PADI4: variants seen among roughly 807,000 people sequenced by gnomAD.
PADI4 encodes the protein protein-arginine deiminase type-4.
PADI4 carries 62 observed loss-of-function variants against 75.0 expected under a neutral mutation model. The observed-to-expected ratio is 0.83, with a 90% CI of 0.67 to 1.02. PADI4 has a LOEUF of 1.02. Among genes scored for constraint, PADI4 ranks in the 50% least tolerant of loss-of-function variants. The pLI is 0.00. For synonymous variants in PADI4, 361 were observed against 348.1 expected, an observed-to-expected ratio of 1.04 and a Z score of -0.41; for missense variants, 845 against 850.5, an observed-to-expected ratio of 0.99 and a Z score of 0.08.
chr1:17,345,763 T>C (rs903675533), intron 8 of PADI4, among the ~76,000 whole-genome samples: 4 of 152,210 alleles, frequency 2.6e-5, no homozygotes, highest in African/African-American at 9.6e-5. Flanking sequence ...AACCTCTTTT[T>C]CTTCCCAGTC....
At chr1:17,330,833 A>G in intron 1 of PADI4, 136 bp from the exon 2 acceptor site, 1 of 596,570 alleles carries the variant, frequency 1.7e-6, no homozygotes, top group Non-Finnish European at 2.8e-6. Context: ...ACACCCAGAA[A>G]AAATACTTCG....
intron 8 of PADI4, among the ~76,000 whole-genome samples, chr1:17,343,598 C>A (rs962664155): frequency 1.3e-5 from 2 of 152,140 alleles, no homozygotes; most frequent in Non-Finnish European, 2.9e-5. Context: ...AATTGTACTC[C>A]CACAATTCCC....
chr1:17,336,114 C>A (rs375115923), intron 3 of PADI4, 45 bp from the exon 4 acceptor site: 2 of 1,446,458 alleles, frequency 1.4e-6, no homozygotes, highest in Non-Finnish European at 1.9e-6. Flanking sequence ...GGTGCCCCAA[C>A]CCCGGACCCT....
intron 5 of PADI4, among the ~76,000 whole-genome samples, chr1:17,338,877 A>G (rs1238572754): frequency 6.6e-6 from 1 of 152,102 alleles, no homozygotes; most frequent in Non-Finnish European, 1.5e-5. Flanking sequence ...TAACATAGAA[A>G]TGGATGTATT....
intron 14 of PADI4, 147 bp downstream of exon 14, chr1:17,359,055 C>T (rs961556488): frequency 8.7e-6 from 6 of 686,772 alleles, no homozygotes; most frequent in Non-Finnish European, 1.5e-5. Flanking sequence ...GAAGCAAAGA[C>T]TGGGAGAGGC....
Position 17,331,067 on chromosome 1 carries a change from G to C in PADI4, c.191G>C (p.Gly64Ala), listed in dbSNP as rs777111314. Residue 64 changes from glycine (G) to alanine (A), a missense_variant, in exon 2 of 16, where the codon GGT (glycine) becomes GCT (alanine). Coordinates refer to ENST00000375448, the MANE Select transcript of PADI4 (RefSeq NM_012387.3). ...CCTCCAGCCAAGAAGAAATCCACAG[G>C]TTCCTCCACATGGCCCCTGGACCCT... is the stretch of plus-strand genomic sequence containing the variant. ...HGPPAKKKSTGSSTWPLDPGV... is the reference protein window; with the variant it reads ...HGPPAKKKSTASSTWPLDPGV... 2.5e-6 allele frequency: 4 copies of C among 1,611,442 alleles called. No individual in the cohort carries two copies. In the South Asian group the frequency reaches 4.4e-5, roughly 18 times the overall value.
Position 17,347,965 on chromosome 1 carries a change from C to A in PADI4, c.1072C>A (p.Gln358Lys). ...GGATGAAATGGAGATCGGCTACATCCAAGCCCCACACAAAACGCTGCCCGT... is the reference window on the plus strand; with the variant it reads ...GGATGAAATGGAGATCGGCTACATCAAAGCCCCACACAAAACGCTGCCCGT... ...MQDEMEIGYIQAPHKTLPVVF... is the reference protein window; with the variant it reads ...MQDEMEIGYIKAPHKTLPVVF... The change falls in exon 10 of 16, where the codon CAA becomes AAA. Residue 358 changes from glutamine (Q) to lysine (K), a missense_variant. Gln to Lys is a moderately conservative substitution (Grantham distance 53, BLOSUM62 1). Coordinates refer to ENST00000375448, the MANE Select transcript of PADI4 (RefSeq NM_012387.3). The A allele has an allele frequency of 1.3e-6, 2 of 1,599,560 alleles. No individual in the cohort carries two copies. Among genetic ancestry groups the A allele is most frequent in the Admixed American group, 1.7e-5 (1 of 58,876 alleles).
At chr1:17,309,275 C>G (rs1315824841) in intron 1 of PADI4, among the ~76,000 whole-genome samples, 1 of 151,846 alleles carries the variant, frequency 6.6e-6, no homozygotes, top group African/African-American at 2.4e-5. Flanking sequence ...TTGTAAAGAC[C>G]CTGTTTCTCC....
At chr1:17,357,256 A>T (rs2074776909) in intron 13 of PADI4, among the ~76,000 whole-genome samples, 1 of 152,072 alleles carries the variant, frequency 6.6e-6, no homozygotes, top group South Asian at 2.1e-4. Flanking sequence ...CAGCCTCTGC[A>T]TCCCGGGTTC....
intron 10 of PADI4, among the ~76,000 whole-genome samples, chr1:17,351,135 C>T (rs61763758): frequency 1.4e-5 from 1 of 74,040 alleles, no homozygotes; most frequent in Non-Finnish European, 3.6e-5. Context: ...GAGGTCAAGG[C>T]TGCAGCGAGT....
chr1:17,313,498 CAAAAA>C (rs71014933), intron 1 of PADI4, among the ~76,000 whole-genome samples: 1 of 68,400 alleles, frequency 1.5e-5, no homozygotes. Flanking sequence ...AAGACCTTGT[CAAAAA>C]AAAAAAAAAA....
chr1:17,335,459 G>A (rs1043319019), intron 3 of PADI4, among the ~76,000 whole-genome samples: 5 of 152,152 alleles, frequency 3.3e-5, no homozygotes, highest in Admixed American at 1.3e-4. Flanking sequence ...ATGCTTCCCC[G>A]GCCCTAACTA....
chr1:17,352,002 G>C (rs879458031), intron 10 of PADI4, among the ~76,000 whole-genome samples: 469 of 22,560 alleles, frequency 0.021, 52 homozygotes, highest in Middle Eastern at 0.089. Context: ...AGTCAGGGAG[G>C]TGATGGGAGG....
In PADI4 at chr1:17,342,343, C is replaced by T. The variant is rs200527786; in HGVS notation, c.876C>T (p.Arg292=). The change falls in exon 8 of 16, where the codon CGC becomes CGT. Residue 292 remains arginine (R), a synonymous_variant. Transcript: ENST00000375448. The stretch of plus-strand genomic sequence containing the variant: ...TGTTCCAAGACAGCGTGGTCTTCCG[C>T]GTGGCGCCCTGGATCATGACCCCCA... ...AVVFQDSVVF[R]VAPWIMTPNT... The T allele has an allele frequency of 1.2e-5, 19 of 1,614,012 alleles. No homozygotes were observed. In the South Asian group the frequency reaches 1.3e-4, roughly 11 times the overall value.
chr1:17,349,944 C>T (rs1383176435), intron 10 of PADI4, among the ~76,000 whole-genome samples: 2 of 122,328 alleles, frequency 1.6e-5, no homozygotes, highest in Admixed American at 1.9e-4. Context: ...TATGCCGTTC[C>T]CTCTGCTTGC....
chr1:17,344,564 C>A (rs985535556), intron 8 of PADI4, among the ~76,000 whole-genome samples: 30 of 152,194 alleles, frequency 2.0e-4, no homozygotes, highest in African/African-American at 6.8e-4. Flanking sequence ...TAGGCCAGGC[C>A]CAGGGTCCCC....
At chr1:17,341,711 A>C (rs1238623233) in intron 6 of PADI4, among the ~76,000 whole-genome samples, 1 of 152,160 alleles carries the variant, frequency 6.6e-6, no homozygotes, top group African/African-American at 2.4e-5. Flanking sequence ...TAAAGTTTGG[A>C]ATAGCTCAGG....
intron 1 of PADI4, among the ~76,000 whole-genome samples, chr1:17,312,381 A>C (rs984204987): frequency 6.8e-6 from 1 of 148,104 alleles, no homozygotes; most frequent in African/African-American, 2.5e-5. Flanking sequence ...AATCACTTGA[A>C]CCCAGGAGGC....
intron 1 of PADI4, among the ~76,000 whole-genome samples, chr1:17,316,703 A>AATT (rs1557539538): frequency 2.7e-5 from 4 of 146,646 alleles, no homozygotes; most frequent in African/African-American, 1.0e-4. Flanking sequence ...ATAAATAAAT[A>AATT]AATAAATTAA....
Sources: allele counts gnomAD v4.1 joint callset (sites outside exome capture counted in the v4.1 genomes callset), GRCh38; gene constraint gnomAD v4.1.1; transcripts MANE v1.5; gene names NCBI Gene and HGNC (gene_info 2026-07-23, HGNC 2026-07-21).